Variants in PPP2R2C observed in about 807,000 individuals in gnomAD.
PPP2R2C encodes protein phosphatase 2, regulatory subunit B, gamma.
In PPP2R2C, 10 loss-of-function variants were observed where a neutral mutation model predicts 45.3. The observed-to-expected ratio is 0.22, with a 90% CI of 0.14 to 0.37. The LOEUF (loss-of-function observed/expected upper bound fraction) is 0.37, where lower values mean the gene tolerates loss of function less well. PPP2R2C is among the 10% of genes least tolerant of loss of function. The pLI, the probability that PPP2R2C is intolerant of heterozygous loss-of-function variation, is 1.00. For synonymous variants in PPP2R2C, 257 were observed against 245.4 expected, an observed-to-expected ratio of 1.05 and a Z score of -0.44; for missense variants, 308 against 619.7, an observed-to-expected ratio of 0.50 and a Z score of 5.34.
At chr4:6,470,070 C>T (rs951195741) in intron 1 of PPP2R2C, among the ~76,000 whole-genome samples, 1 of 152,204 alleles carries the variant, frequency 6.6e-6, no homozygotes, top group African/African-American at 2.4e-5. Context: ...TAGCTCTGAA[C>T]GGCTCCTTCA....
At chr4:6,490,010 G>A (rs1356792094) in intron 2 of PPP2R2C, among the ~76,000 whole-genome samples, 1 of 152,142 alleles carries the variant, frequency 6.6e-6, no homozygotes, top group Non-Finnish European at 1.5e-5. Context: ...GAGCAGTTTG[G>A]CCCAGGAGGA....
At chr4:6,528,110 G>A (rs865929231) in intron 2 of PPP2R2C, among the ~76,000 whole-genome samples, 4 of 152,354 alleles carry the variant, frequency 2.6e-5, no homozygotes, top group African/African-American at 7.2e-5. Flanking sequence ...ACCTGGTTAC[G>A]GGCTGTGAAA....
chr4:6,507,747 G>C (rs1333910288), intron 2 of PPP2R2C, among the ~76,000 whole-genome samples: 5 of 152,226 alleles, frequency 3.3e-5, no homozygotes, highest in Non-Finnish European at 7.3e-5. Context: ...TACAGCAATA[G>C]CTAACTAATA....
intron 6 of PPP2R2C, among the ~76,000 whole-genome samples, chr4:6,341,063 G>T (rs541667326): frequency 3.9e-5 from 6 of 152,218 alleles, no homozygotes; most frequent in Admixed American, 6.5e-5. Flanking sequence ...CCACTCAGGT[G>T]GGGGGCGGTG....
chr4:6,535,910 G>T (rs969255533), intron 1 of PPP2R2C, among the ~76,000 whole-genome samples: 2 of 152,230 alleles, frequency 1.3e-5, no homozygotes, highest in Non-Finnish European at 2.9e-5. Context: ...CCTCCAGGAA[G>T]CCTTCCCTGA....
intron 2 of PPP2R2C, among the ~76,000 whole-genome samples, chr4:6,504,349 T>C (rs1275663961): frequency 6.6e-6 from 1 of 152,124 alleles, no homozygotes; most frequent in East Asian, 1.9e-4. Context: ...AAAAAAACAA[T>C]ACTCTTGGGA....
In PPP2R2C at chr4:6,329,097, T is replaced by A. The variant is rs1299224835; in HGVS notation, c.1052+165A>T. On this transcript the variant is annotated intron_variant, in intron 8 of 8. Coordinates refer to ENST00000382599, the MANE Select transcript of PPP2R2C (RefSeq NM_020416.4). The surrounding 1 kb of genome is among the most constrained non-coding windows in gnomAD (Gnocchi z 5.8). ...TGTCCTGCCCCTTGAATCTGAGCGCTGAGAGTTGGACCTGCTCTGGAAAGC... is the reference window on the plus strand; with the variant it reads ...TGTCCTGCCCCTTGAATCTGAGCGCAGAGAGTTGGACCTGCTCTGGAAAGC... Among the ~76,000 whole-genome samples the A allele has an allele frequency of 6.6e-6, 1 of 152,190 alleles. No individual in the cohort carries two copies. The highest frequency in any genetic ancestry group is 1.5e-5 in the Non-Finnish European group (1 of 68,026).
At chr4:6,463,573 G>A (rs1215484963) in intron 1 of PPP2R2C, among the ~76,000 whole-genome samples, 1 of 152,238 alleles carries the variant, frequency 6.6e-6, no homozygotes, top group African/African-American at 2.4e-5. Flanking sequence ...GGCAGCACAG[G>A]GGCCCCCAGG....
In PPP2R2C at chr4:6,359,058, C is replaced by T. The variant is rs189046630; in HGVS notation, c.626-11048G>A. Among the ~76,000 whole-genome samples, 847 of 152,288 alleles carry T rather than the reference C, an allele frequency of 5.6e-3. 5 individuals are homozygous for T. Among genetic ancestry groups the T allele is most frequent in the Non-Finnish European group, 8.8e-3 (600 of 68,028 alleles). ...GACACATGCACATGTATGTTTATTG[C>T]GGCGCTATTCACAATAGCAAAGACT... On this transcript the variant is annotated intron_variant, in intron 5 of 8. Transcript: ENST00000382599.
chr4:6,397,418 C>T (rs1030512814), intron 1 of PPP2R2C, among the ~76,000 whole-genome samples: 7 of 152,362 alleles, frequency 4.6e-5, no homozygotes, highest in East Asian at 3.9e-4. Flanking sequence ...ATGCTCCCTG[C>T]GCTGCGGGGG....
intron 1 of PPP2R2C, among the ~76,000 whole-genome samples, chr4:6,546,489 T>C (rs1241476318): frequency 6.6e-6 from 1 of 152,012 alleles, no homozygotes; most frequent in Non-Finnish European, 1.5e-5. Flanking sequence ...TGAGAAAAAA[T>C]CAAGGCTCAG....
intron 2 of PPP2R2C, among the ~76,000 whole-genome samples, chr4:6,518,611 C>T (rs1723905242): frequency 6.6e-6 from 1 of 152,156 alleles, no homozygotes; most frequent in Non-Finnish European, 1.5e-5. Flanking sequence ...AATAGACTAT[C>T]TAAATAGGCC....
At chr4:6,548,506 C>T (rs577615359) in intron 1 of PPP2R2C, among the ~76,000 whole-genome samples, 2 of 152,276 alleles carry the variant, frequency 1.3e-5, no homozygotes, top group South Asian at 4.1e-4. Flanking sequence ...TGAAAACAGC[C>T]CTGTATTTGG....
At chr4:6,540,812 A>G (rs925460759) in intron 1 of PPP2R2C, among the ~76,000 whole-genome samples, 2 of 152,254 alleles carry the variant, frequency 1.3e-5, no homozygotes, top group Non-Finnish European at 2.9e-5. Context: ...AAAAATCTCC[A>G]TTTGGGCTTC....
At chr4:6,434,901 A>G (rs548772684) in intron 1 of PPP2R2C, among the ~76,000 whole-genome samples, 1 of 152,118 alleles carries the variant, frequency 6.6e-6, no homozygotes, top group African/African-American at 2.4e-5. Context: ...TCCTCATCAC[A>G]TCCTTTATCC....
intron 2 of PPP2R2C, among the ~76,000 whole-genome samples, chr4:6,479,036 C>T (rs557335008): frequency 2.3e-4 from 35 of 152,350 alleles, no homozygotes; most frequent in African/African-American, 8.2e-4. Flanking sequence ...CGTGCAAGTA[C>T]AGTCTCCCTC....
rs1236848159 is a variant in PPP2R2C at position 6,535,195 on chromosome 4, C to T, written c.49+76G>A. On this transcript the variant is annotated intron_variant, in intron 2 of 9. Coordinates refer to the PPP2R2C transcript ENST00000506140. ...TCCCGCTGTCAGGCTGGCGCTGTGT[C>T]GGGCGCCTGTGACCCACAGCCCACG... is the stretch of plus-strand genomic sequence containing the variant. 1.0e-5 allele frequency: 15 copies of T among 1,459,204 alleles called. 1 individual carries two copies. Among genetic ancestry groups the T allele is most frequent in the African/African-American group, 5.6e-5 (4 of 71,594 alleles). 90.4% of individuals were successfully genotyped at this position (1,459,204 alleles called of 1,614,324 possible).
intron 2 of PPP2R2C, among the ~76,000 whole-genome samples, chr4:6,519,142 G>C (rs376815964): frequency 2.8e-4 from 43 of 152,166 alleles, no homozygotes; most frequent in Admixed American, 1.8e-3. Flanking sequence ...CCTGAGAGGG[G>C]AGCATTCTGC....
intron 5 of PPP2R2C, among the ~76,000 whole-genome samples, chr4:6,352,365 A>C (rs1034907820): frequency 3.3e-5 from 5 of 151,968 alleles, no homozygotes; most frequent in Non-Finnish European, 5.9e-5. Context: ...AGGTGGCCCC[A>C]CCCCAGCTTC....
Sources: allele counts gnomAD v4.1 joint callset (sites outside exome capture counted in the v4.1 genomes callset), GRCh38; gene constraint gnomAD v4.1.1; non-coding constraint Gnocchi (gnomAD v3.1); transcripts MANE v1.5; gene names NCBI Gene and HGNC (gene_info 2026-07-23, HGNC 2026-07-21).